Variants in LUZP1 observed in about 807,000 individuals in gnomAD.
The protein encoded by LUZP1 is leucine zipper protein 1, also known as filamin mechanobinding actin cross-linking protein.
LUZP1 carries 25 observed loss-of-function variants against 71.3 expected under a neutral mutation model. The ratio of observed to expected loss-of-function variants is 0.35; its 90% CI spans 0.26 to 0.49. LUZP1 has a LOEUF of 0.49. LUZP1 is among the 20% of genes least tolerant of loss of function. LUZP1 has a pLI of 0.99. For missense variants in LUZP1, 1,142 were observed against 1,300.8 expected, an observed-to-expected ratio of 0.88 and a Z score of 1.88; for synonymous variants, 481 against 506.4, an observed-to-expected ratio of 0.95 and a Z score of 0.67.
At chr1:23,095,913 A>AG (rs1337649852) in intron 3 of LUZP1, among the ~76,000 whole-genome samples, 1 of 152,192 alleles carries the variant, frequency 6.6e-6, no homozygotes, top group Non-Finnish European at 1.5e-5. Context: ...AGTACTCTGG[A>AG]GGGAGCCACT....
chr1:23,097,238 C>T (rs1054981952), intron 3 of LUZP1, among the ~76,000 whole-genome samples: 52 of 152,260 alleles, frequency 3.4e-4, no homozygotes, highest in African/African-American at 1.2e-3. Flanking sequence ...CGTTTCAACA[C>T]GAATTTTGGA....
In LUZP1 at chr1:23,142,696, TATATACACACACACAC is replaced by T. The variant is rs1240069141; in HGVS notation, c.-226+26054_-226+26069del. On this transcript the variant is annotated intron_variant, in intron 2 of 4. Transcript: ENST00000302291. ...ATGGTGGGTGCATAAAATATATATA[TATATACACACACACAC>T]ACACACACACACACACACACACACA... is the stretch of plus-strand genomic sequence containing the variant. 2.6e-3 allele frequency among the ~76,000 whole-genome samples: 233 copies of T among 90,866 alleles called. 1 individual carries two copies. The highest frequency in any genetic ancestry group is 8.8e-3 in the African/African-American group (165 of 18,754). 59.6% of individuals were successfully genotyped at this position (90,866 alleles called of 152,430 possible). A position where few individuals can be genotyped will look rare whatever the true frequency, so the allele number is the denominator to read the frequency against.
At chr1:23,116,615 GAGAAAAGAAAAGGAAA>G (rs1337104885) in intron 2 of LUZP1, among the ~76,000 whole-genome samples, 5 of 151,160 alleles carry the variant, frequency 3.3e-5, no homozygotes, top group South Asian at 2.1e-4. Flanking sequence ...GAAGAAAAAA[GAGAAAAGAAAAGGAAA>G]AGAAAAGAAA....
At chr1:23,148,848 G>A (rs1644361807) in intron 2 of LUZP1, among the ~76,000 whole-genome samples, 1 of 151,522 alleles carries the variant, frequency 6.6e-6, no homozygotes, top group Non-Finnish European at 1.5e-5. Context: ...GCTTTGGGAA[G>A]CCACGGTGAG....
intron 2 of LUZP1, among the ~76,000 whole-genome samples, chr1:23,130,851 C>CA (rs1316010595): frequency 6.6e-6 from 1 of 152,090 alleles, no homozygotes; most frequent in South Asian, 2.1e-4. Flanking sequence ...TGAGACCTCT[C>CA]ACTCAATGTT....
chr1:23,103,920 A>AGG lies in LUZP1; in HGVS notation c.-120+5100_-120+5101dup, dbSNP rs146891825. Among the ~76,000 whole-genome samples, 3 of 16,944 alleles carry AGG rather than the reference A, an allele frequency of 1.8e-4. 1 individual carries two copies. Among genetic ancestry groups the AGG allele is most frequent in the Non-Finnish European group, 3.2e-4 (3 of 9,448 alleles). The allele number at this position is 16,944 out of a possible 152,430, so 11.1% of individuals were successfully genotyped here. A position where few individuals can be genotyped will look rare whatever the true frequency, so the allele number is the denominator to read the frequency against. The stretch of plus-strand genomic sequence containing the variant: ...GGAGGGAGGGGGGAAGGAGGGAGGG[A>AGG]GGGGGGGAAGGAGGGAGGGAGTGAA... On this transcript the variant is annotated intron_variant, in intron 3 of 4. Transcript: ENST00000302291.
At chr1:23,170,726 G>A (rs1225499285) in intron 1 of LUZP1, among the ~76,000 whole-genome samples, 5 of 151,962 alleles carry the variant, frequency 3.3e-5, no homozygotes, top group South Asian at 4.2e-4. Context: ...CTTGGCCTCC[G>A]TAAGTGCTAG....
intron 3 of LUZP1, among the ~76,000 whole-genome samples, chr1:23,106,722 T>C (rs1163615095): frequency 1.3e-5 from 2 of 152,188 alleles, no homozygotes; most frequent in South Asian, 4.1e-4. Context: ...TAGCCACCAC[T>C]ACCACCCAGG....
intron 3 of LUZP1, among the ~76,000 whole-genome samples, chr1:23,105,892 A>G (rs1643977400): frequency 6.6e-6 from 1 of 152,178 alleles, no homozygotes; most frequent in African/African-American, 2.4e-5. Context: ...ATCACATGAG[A>G]AAACATTAAA....
intron 3 of LUZP1, among the ~76,000 whole-genome samples, chr1:23,104,184 C>CT (rs1184690521): frequency 1.6e-3 from 231 of 143,158 alleles, no homozygotes; most frequent in Middle Eastern, 3.6e-3. Flanking sequence ...TTTTCTTTTT[C>CT]TTTTTTTTTT....
intron 2 of LUZP1, among the ~76,000 whole-genome samples, chr1:23,131,532 C>T (rs1439125883): frequency 6.6e-6 from 1 of 152,098 alleles, no homozygotes; most frequent in Non-Finnish European, 1.5e-5. Flanking sequence ...CCACTGTACC[C>T]CAGTGCCTAG....
chr1:23,096,609 A>G (rs1002161335), intron 3 of LUZP1, among the ~76,000 whole-genome samples: 3 of 152,208 alleles, frequency 2.0e-5, no homozygotes, highest in African/African-American at 7.2e-5. Context: ...TAAAAAGAAA[A>G]AAGAAAAAAA....
intron 2 of LUZP1, among the ~76,000 whole-genome samples, chr1:23,158,647 C>CAAAAAAAAAAAAAAA (rs56919514): frequency 1.7e-5 from 1 of 59,916 alleles, no homozygotes; most frequent in African/African-American, 5.5e-5. Flanking sequence ...GACTCTGTCT[C>CAAAAAAAAAAAAAAA]AAAAAAAAAA....
At chr1:23,104,893 GC>G (rs1643967927) in intron 3 of LUZP1, among the ~76,000 whole-genome samples, 1 of 152,148 alleles carries the variant, frequency 6.6e-6, no homozygotes, top group Non-Finnish European at 1.5e-5. Flanking sequence ...GAGTTAAAGG[GC>G]CTAGAAGGAC....
intron 4 of LUZP1, 139 bp downstream of exon 3, chr1:23,091,051 C>T (rs1331918534): frequency 1.4e-5 from 13 of 945,588 alleles, no homozygotes; most frequent in Non-Finnish European, 2.1e-5. Context: ...CCTGATTTTT[C>T]AACAGTTCTC....
chr1:23,091,447 G>A lies in LUZP1; in HGVS notation c.2815C>T (p.Arg939Ter), dbSNP rs1643851904. Residue 939 changes from arginine to a stop codon, truncating the protein, a stop_gained, in exon 4 of 5, where the codon CGA becomes TGA. Coordinates refer to ENST00000302291, the Ensembl canonical transcript of LUZP1. LOFTEE classifies it high-confidence loss of function. ...GTAGATTCCACGTTTTTACCTATTC[G>A]AGTTGGGGGGTCTTCTAAAGATTTC... 6.2e-7 allele frequency: 1 copy of A among 1,614,120 alleles called. No homozygotes were observed. The highest frequency in any genetic ancestry group is 8.5e-7 in the Non-Finnish European group (1 of 1,180,012).
At chr1:23,122,468 C>T (rs755718345) in intron 2 of LUZP1, among the ~76,000 whole-genome samples, 1 of 152,208 alleles carries the variant, frequency 6.6e-6, no homozygotes, top group Non-Finnish European at 1.5e-5. Context: ...CAACCAGCAG[C>T]AGCTTGCCCC....
chr1:23,091,638 G>A, exon 4 of LUZP1: 2 of 1,614,126 alleles, frequency 1.2e-6, no homozygotes, highest in Non-Finnish European at 8.5e-7. Context: ...GCTGCTCCGA[G>A]AGACCACTGT....
intron 3 of LUZP1, among the ~76,000 whole-genome samples, chr1:23,107,863 C>T (rs1459172116): frequency 6.6e-6 from 1 of 152,176 alleles, no homozygotes; most frequent in Non-Finnish European, 1.5e-5. Context: ...TCCACTCCTT[C>T]GAGAAGAGTT....
Sources: gnomAD v4.1 joint callset for allele counts (sites outside exome capture counted in the v4.1 genomes callset) on GRCh38, gnomAD v4.1.1 for gene constraint, MANE v1.5 for transcripts, NCBI Gene and HGNC (gene_info 2026-07-23, HGNC 2026-07-21) for gene names.